TMTC2: variants seen among roughly 807,000 people sequenced by gnomAD.
TMTC2 encodes transmembrane O-mannosyltransferase targeting cadherins 2.
A neutral mutation model predicts 82.4 loss-of-function variants in TMTC2; 43 were observed. The observed-to-expected ratio is 0.52, with a 90% confidence interval of 0.41 to 0.67. The LOEUF (loss-of-function observed/expected upper bound fraction) is 0.67, where lower values mean the gene tolerates loss of function less well. Ranked by LOEUF, TMTC2 falls within the 30% of genes least tolerant of loss-of-function variation. The pLI is 0.00. For synonymous variants in TMTC2, 408 were observed against 381.9 expected (o/e 1.07, Z -0.80); for missense variants, 919 against 1,012.4 (o/e 0.91, Z 1.25).
At chr12:83,092,239 C>A (rs771289206) in intron 11 of TMTC2, among the ~76,000 whole-genome samples, 1 of 152,168 alleles carries the variant, frequency 6.6e-6, no homozygotes, top group African/African-American at 2.4e-5. Flanking sequence ...GTTCCTCCCA[C>A]ACAAAGGCTA....
intron 11 of TMTC2, among the ~76,000 whole-genome samples, chr12:83,090,596 A>G (rs76671697): frequency 0.018 from 2,679 of 152,208 alleles, 81 homozygotes; most frequent in African/African-American, 0.06. Flanking sequence ...TAAGTCCTTC[A>G]TTTTGCTAGG....
chr12:82,726,878 C>CA (rs757515287), intron 1 of TMTC2, among the ~76,000 whole-genome samples: 1,090 of 40,800 alleles, frequency 0.027, 13 homozygotes, highest in African/African-American at 0.053. Context: ...GACTCTGTCT[C>CA]AAAAAAAAAA....
intron 11 of TMTC2, among the ~76,000 whole-genome samples, chr12:83,095,144 G>A (rs1205247810): frequency 6.6e-6 from 1 of 152,084 alleles, no homozygotes; most frequent in Admixed American, 6.5e-5. Context: ...ATGTGTTTAA[G>A]CTGGAGTCTG....
intron 1 of TMTC2, among the ~76,000 whole-genome samples, chr12:82,771,186 G>T (rs144776092): frequency 0.016 from 2,323 of 144,194 alleles, 63 homozygotes; most frequent in African/African-American, 0.058. Flanking sequence ...CAGCCTGGGC[G>T]ACAGAGCAAG....
intron 11 of TMTC2, among the ~76,000 whole-genome samples, chr12:83,108,089 G>A (rs1884478124): frequency 6.6e-6 from 1 of 152,008 alleles, no homozygotes; most frequent in African/African-American, 2.4e-5. Flanking sequence ...GTTTCCTGAG[G>A]CCTCCCCAGC....
chr12:82,698,290 T>C (rs770480498), intron 1 of TMTC2, among the ~76,000 whole-genome samples: 1 of 152,166 alleles, frequency 6.6e-6, no homozygotes, highest in African/African-American at 2.4e-5. Context: ...AAGATTACAG[T>C]TTTAGTCTTG....
chr12:82,810,697 C>T (rs1391923448), intron 1 of TMTC2, among the ~76,000 whole-genome samples: 2 of 152,074 alleles, frequency 1.3e-5, no homozygotes, highest in Non-Finnish European at 2.9e-5. Flanking sequence ...TCCCCATAAT[C>T]CCCACGTGTC....
At chr12:82,787,782 G>T (rs537792013) in intron 1 of TMTC2, among the ~76,000 whole-genome samples, 38 of 152,118 alleles carry the variant, frequency 2.5e-4, no homozygotes, top group African/African-American at 9.2e-4. Flanking sequence ...GTGGTGGTGT[G>T]TGCCCGTAGT....
At position 83,133,688 on chromosome 12, in the gene TMTC2, T is replaced by C. The variant is rs1010938790; in HGVS notation, c.*1299T>C. 3 of 152,178 alleles carry C rather than the reference T, an allele frequency of 2.0e-5. No individual in the cohort carries two copies. The highest frequency in any genetic ancestry group is 6.5e-5 in the Admixed American group (1 of 15,270). The allele number at this position is 152,178 out of a possible 1,614,324, so 9.4% of individuals were successfully genotyped here. ...CACAAGAAAAAGACTATAAATTAAG[T>C]AGAGAACAACATTTTTATTGAACAT... On this transcript the variant is annotated 3_prime_UTR_variant, in exon 12 of 12. Coordinates refer to ENST00000321196, the MANE Select transcript of TMTC2 (RefSeq NM_152588.3).
chr12:82,807,659 G>GCAT (rs1879307149), intron 1 of TMTC2, among the ~76,000 whole-genome samples: 1 of 152,056 alleles, frequency 6.6e-6, no homozygotes, highest in Non-Finnish European at 1.5e-5. Flanking sequence ...GAATGAGGAA[G>GCAT]CATCATGTGA....
At chr12:82,801,393 G>T (rs2137036262) in intron 1 of TMTC2, among the ~76,000 whole-genome samples, 1 of 152,172 alleles carries the variant, frequency 6.6e-6, no homozygotes, top group African/African-American at 2.4e-5. Flanking sequence ...ATTGCAAAGA[G>T]CGAAAGAACA....
At chr12:82,999,383 T>C (rs1348205029) in intron 8 of TMTC2, among the ~76,000 whole-genome samples, 4 of 152,242 alleles carry the variant, frequency 2.6e-5, no homozygotes, top group African/African-American at 4.8e-5. Flanking sequence ...ATGTGACTTA[T>C]CATTGTTTAT....
chr12:82,705,573 A>C (rs894418567), intron 1 of TMTC2, among the ~76,000 whole-genome samples: 3 of 152,244 alleles, frequency 2.0e-5, no homozygotes, highest in African/African-American at 7.2e-5. Context: ...GTTCTATTCA[A>C]AATTTTGGAG....
chr12:82,705,145 G>C (rs1873288000), intron 1 of TMTC2, among the ~76,000 whole-genome samples: 1 of 152,198 alleles, frequency 6.6e-6, no homozygotes, highest in African/African-American at 2.4e-5. Flanking sequence ...CCACGAGTAT[G>C]TAAAGGCATA....
At chr12:82,762,186 C>G (rs1876685392) in intron 1 of TMTC2, among the ~76,000 whole-genome samples, 1 of 152,092 alleles carries the variant, frequency 6.6e-6, no homozygotes, top group African/African-American at 2.4e-5. Context: ...CCAGGCTGGT[C>G]TCAAACTCCT....
intron 1 of TMTC2, among the ~76,000 whole-genome samples, chr12:82,731,079 G>A (rs978376199): frequency 3.3e-5 from 5 of 152,150 alleles, no homozygotes; most frequent in Admixed American, 3.3e-4. Context: ...GGAGAATTTA[G>A]AATCAAGTGC....
At chr12:83,016,561 C>T (rs767326967) in intron 8 of TMTC2, among the ~76,000 whole-genome samples, 2 of 152,124 alleles carry the variant, frequency 1.3e-5, no homozygotes, top group Non-Finnish European at 2.9e-5. Context: ...TAGGAATTAC[C>T]CCAGTTTATC....
intron 1 of TMTC2, among the ~76,000 whole-genome samples, chr12:82,711,179 C>T (rs1873601609): frequency 6.6e-6 from 1 of 152,122 alleles, no homozygotes; most frequent in Admixed American, 6.5e-5. Context: ...CCTCTGTAAA[C>T]TTGAGGAGTT....
chr12:82,994,017 G>A (rs77394193), intron 8 of TMTC2, among the ~76,000 whole-genome samples: 3,894 of 152,172 alleles, frequency 0.026, 75 homozygotes, highest in East Asian at 0.11. Flanking sequence ...ATGTAACAGG[G>A]TGCTTGGGTG....
Sources: gnomAD v4.1 joint callset for allele counts (sites outside exome capture counted in the v4.1 genomes callset) on GRCh38, gnomAD v4.1.1 for gene constraint, MANE v1.5 for transcripts, NCBI Gene and HGNC (gene_info 2026-07-23, HGNC 2026-07-21) for gene names.